The following ARRB1 variants were observed in gnomAD, a reference collection of about 807,000 sequenced individuals.
The protein encoded by ARRB1 is arrestin beta 1, also known as beta-arrestin-1.
In ARRB1, 21 loss-of-function variants were observed where a neutral mutation model predicts 56.8. The ratio of observed to expected loss-of-function variants is 0.37; its 90% CI spans 0.26 to 0.53. ARRB1 has a LOEUF of 0.53. Ranked by LOEUF, ARRB1 falls within the 20% of genes least tolerant of loss-of-function variation. The pLI, the probability that ARRB1 is intolerant of heterozygous loss-of-function variation, is 0.88. For missense variants in ARRB1, 424 were observed against 553.7 expected (o/e 0.77, Z 2.35); for synonymous variants, 210 against 218.6 (o/e 0.96, Z 0.35).
chr11:75,268,994 C>A (rs374056765), intron 13 of ARRB1, 35 bp from the exon 14 acceptor site: 1 of 1,597,402 alleles, frequency 6.3e-7, no homozygotes, highest in Non-Finnish European at 8.5e-7. Flanking sequence ...GAGCCTTGAG[C>A]GGACTCACAG....
At chr11:75,319,720 G>A (rs891672979) in intron 1 of ARRB1, among the ~76,000 whole-genome samples, 7 of 152,144 alleles carry the variant, frequency 4.6e-5, no homozygotes, top group South Asian at 2.1e-4. Context: ...CAGGATGTAC[G>A]CTGGTTTCAT....
chr11:75,323,689 A>G (rs1211488867), intron 1 of ARRB1, among the ~76,000 whole-genome samples: 3 of 152,182 alleles, frequency 2.0e-5, no homozygotes, highest in Non-Finnish European at 4.4e-5. Context: ...GCAAGAAGGG[A>G]AGCAGCTGAG....
rs528823798 is a variant in ARRB1, at chr11:75,272,959, G to A, written c.934C>T (p.Arg312Cys). ...GAAACAATGATCCCCAGGATCTCACGGTTGGCACCTTCCCTCAACCTGCAA... is the reference window on the plus strand; with the variant it reads ...GAAACAATGATCCCCAGGATCTCACAGTTGGCACCTTCCCTCAACCTGCAA... Reference protein sequence around the residue: ...SSTLLREGANREILGIIVSYK... With the variant: ...SSTLLREGANCEILGIIVSYK... The change falls in exon 12 of 16, where the codon CGT becomes TGT. Residue 312 changes from arginine (R) to cysteine (C), a missense_variant. Around this residue, in one of 3 missense-constraint regions of ARRB1, gnomAD observed 121 missense variants for 147.3 expected, o/e 0.82. Transcript: ENST00000420843. 5 of 1,614,038 alleles carry A rather than the reference G, an allele frequency of 3.1e-6. No individual in the cohort carries two copies. Among genetic ancestry groups the A allele is most frequent in the East Asian group, 4.5e-5 (2 of 44,880 alleles).
At chr11:75,293,957 TCTC>T (rs1337745214) in intron 1 of ARRB1, among the ~76,000 whole-genome samples, 1 of 152,176 alleles carries the variant, frequency 6.6e-6, no homozygotes, top group African/African-American at 2.4e-5. Flanking sequence ...TCAAGGCTTT[TCTC>T]CTCCTCCATC....
At chr11:75,332,451 T>A (rs558157496) in intron 1 of ARRB1, among the ~76,000 whole-genome samples, 2 of 152,256 alleles carry the variant, frequency 1.3e-5, no homozygotes, top group African/African-American at 4.8e-5. Context: ...ATAGGAAACA[T>A]TTGTCATCTA....
Position 75,265,958 on chromosome 11 carries a change from C to T in ARRB1, c.*205G>A, listed in dbSNP as rs1366289321. The T allele has an allele frequency of 3.4e-6, 2 of 580,996 alleles. No individual in the cohort carries two copies. Among genetic ancestry groups the T allele is most frequent in the African/African-American group, 1.9e-5 (1 of 53,408 alleles). The allele number at this position is 580,996 out of a possible 1,614,324, so 36.0% of individuals were successfully genotyped here. On this transcript the variant is annotated 3_prime_UTR_variant, in exon 16 of 16. Coordinates refer to ENST00000420843, the MANE Select transcript of ARRB1 (RefSeq NM_004041.5). ...TGGAGATGGCAGAGATGGGGTGGAGCCAGTGCGCTGTGGTCCTGTTGGCGT... is the reference window on the plus strand; with the variant it reads ...TGGAGATGGCAGAGATGGGGTGGAGTCAGTGCGCTGTGGTCCTGTTGGCGT...
chr11:75,317,334 T>C (rs978273696), intron 1 of ARRB1, among the ~76,000 whole-genome samples: 1 of 151,962 alleles, frequency 6.6e-6, no homozygotes, highest in African/African-American at 2.4e-5. Flanking sequence ...CTCCAGGTGC[T>C]CTCCCCTCCC....
chr11:75,335,181 G>A, intron 1 of ARRB1: 1 of 243,012 alleles, frequency 4.1e-6, no homozygotes, highest in Non-Finnish European at 9.6e-6. Flanking sequence ...CCAACAGACA[G>A]ATGAGGCTCC....
At position 75,289,999 on chromosome 11, in the gene ARRB1, A is replaced by G; in HGVS notation, c.51+10T>C. On this transcript the variant is annotated intron_variant, in intron 2 of 15. Transcript: ENST00000420843. ...CAGGGAGGCGCTGGGCGCAGCTGTT[A>G]CAGACTCACCTTTCCATTTGGACTG... The G allele has an allele frequency of 6.2e-7, 1 of 1,614,204 alleles. No individual in the cohort carries two copies. Among genetic ancestry groups the G allele is most frequent in the Non-Finnish European group, 8.5e-7 (1 of 1,180,032 alleles).
In ARRB1 at chr11:75,263,865, C is replaced by T. The variant is rs142259067; in HGVS notation, c.*2298G>A. On this transcript the variant is annotated 3_prime_UTR_variant, in exon 16 of 16. Coordinates refer to ENST00000420843, the MANE Select transcript of ARRB1 (RefSeq NM_004041.5). The stretch of plus-strand genomic sequence containing the variant: ...AGGTGCAGGAGGCTCGGGAAACCAG[C>T]CTGACAAACGTTTTCCATGCATGAG... Among the ~76,000 whole-genome samples the T allele has an allele frequency of 4.0e-4, 61 of 152,330 alleles. No individual in the cohort carries two copies. The highest frequency in any genetic ancestry group is 1.4e-3 in the African/African-American group (57 of 41,584).
chr11:75,278,041 A>G (rs182804715), intron 8 of ARRB1, among the ~76,000 whole-genome samples: 23 of 152,322 alleles, frequency 1.5e-4, no homozygotes, highest in Admixed American at 6.5e-4. Context: ...TCACTGAGGG[A>G]GCCAGCTCTG....
intron 1 of ARRB1, among the ~76,000 whole-genome samples, chr11:75,301,253 C>G (rs985690951): frequency 3.9e-5 from 6 of 152,080 alleles, no homozygotes; most frequent in African/African-American, 7.2e-5. Flanking sequence ...GAGAGGGCAA[C>G]TGAATCCACC....
intron 1 of ARRB1, among the ~76,000 whole-genome samples, chr11:75,347,033 T>C (rs995307683): frequency 6.6e-6 from 1 of 152,172 alleles, no homozygotes; most frequent in African/African-American, 2.4e-5. Context: ...ACTTGGGGTG[T>C]GCTGACTCCC....
At chr11:75,351,387 C>CG (rs200113678) in intron 1 of ARRB1, among the ~76,000 whole-genome samples, 216 of 152,296 alleles carry the variant, frequency 1.4e-3, no homozygotes, top group Non-Finnish European at 2.5e-3. Flanking sequence ...CCACATGGGG[C>CG]GGCCCGGCCC....
chr11:75,341,847 C>A (rs1251505836), intron 1 of ARRB1, among the ~76,000 whole-genome samples: 2 of 152,214 alleles, frequency 1.3e-5, no homozygotes, highest in African/African-American at 4.8e-5. Flanking sequence ...GACTGCTGCT[C>A]CCAACTGTCT....
In ARRB1 at chr11:75,306,108, TC is replaced by T. The variant is rs560019111; in HGVS notation, c.21-16070del. Among the ~76,000 whole-genome samples, 51 of 152,084 alleles carry T rather than the reference TC, an allele frequency of 3.4e-4. No individual in the cohort carries two copies. In the East Asian group the frequency reaches 5.6e-3, roughly 17 times the overall value. On this transcript the variant is annotated intron_variant, in intron 1 of 15. Transcript: ENST00000420843. ...ACCAAACCCACTGACCCCATTTCAG[TC>T]CCGCTGGAGGCCCTGGCCACCTGAC... is the stretch of plus-strand genomic sequence containing the variant.
chr11:75,346,703 G>T (rs192284440), intron 1 of ARRB1, among the ~76,000 whole-genome samples: 1 of 152,096 alleles, frequency 6.6e-6, no homozygotes, highest in African/African-American at 2.4e-5. Flanking sequence ...ATGGCCTTCC[G>T]TCAGTTTCCT....
intron 5 of ARRB1, 100 bp from the exon 6 acceptor site, chr11:75,282,121 GC>G: frequency 1.6e-6 from 2 of 1,280,122 alleles, no homozygotes; most frequent in Non-Finnish European, 2.2e-6. Flanking sequence ...CAGACCAAGG[GC>G]CCCAGGGGAC....
At chr11:75,295,451 G>C (rs1252110406) in intron 1 of ARRB1, among the ~76,000 whole-genome samples, 5 of 152,104 alleles carry the variant, frequency 3.3e-5, no homozygotes, top group African/African-American at 1.2e-4. Context: ...AAGGCAGCAA[G>C]AGCAGGTTCA....
Sources: gnomAD v4.1 joint callset for allele counts (sites outside exome capture counted in the v4.1 genomes callset) on GRCh38, gnomAD v4.1.1 for gene constraint, gnomAD v4.1.1 regional missense constraint, MANE v1.5 for transcripts, NCBI Gene and HGNC (gene_info 2026-07-23, HGNC 2026-07-21) for gene names.